The following RECQL variants were observed in gnomAD, a reference collection of about 807,000 sequenced individuals.
RECQL encodes ATP-dependent DNA helicase Q1.
A neutral mutation model predicts 75.8 loss-of-function variants in RECQL; 73 were observed. The ratio of observed to expected loss-of-function variants is 0.96; its 90% CI spans 0.80 to 1.17. RECQL has a LOEUF of 1.17. RECQL is among the 50% of genes most tolerant of loss of function. The pLI, the probability that RECQL is intolerant of heterozygous loss-of-function variation, is 0.00. For missense variants in RECQL, 699 were observed against 772.1 expected, an observed-to-expected ratio of 0.91 and a Z score of 1.12; for synonymous variants, 248 against 254.4, an observed-to-expected ratio of 0.97 and a Z score of 0.24.
At position 21,491,616 on chromosome 12, in the gene RECQL, T is replaced by A; in HGVS notation, c.117A>T (p.Lys39Asn). The A allele has an allele frequency of 6.2e-7, 1 of 1,614,114 alleles. No individual in the cohort carries two copies. Among genetic ancestry groups the A allele is most frequent in the Non-Finnish European group, 8.5e-7 (1 of 1,179,982 alleles). ...TERQQELIQK[K>N]KVLTKKIKQC... Reference sequence around the variant, plus strand: ...GCTTTATTTTCTTTGTCAGGACTTTTTTTTTCTGAATAAGCTCTTGTTGCC... The same window carrying A: ...GCTTTATTTTCTTTGTCAGGACTTTATTTTTCTGAATAAGCTCTTGTTGCC... Residue 39 changes from lysine to asparagine, a missense_variant, in exon 3 of 15, where the codon AAA becomes AAT. By Grantham distance (94) the Lys-to-Asn change is moderately conservative. Around this residue, in one of 2 missense-constraint regions of RECQL, gnomAD observed 669 missense variants for 713.5 expected, o/e 0.94. Transcript: ENST00000444129.
chr12:21,486,431 T>A (rs745347834), intron 5 of RECQL, 48 bp downstream of exon 5: 2 of 1,521,692 alleles, frequency 1.3e-6, no homozygotes. Context: ...AAAGCTCCTA[T>A]TTCAGTGAAT....
chr12:21,490,981 T>G (rs1487192185), intron 3 of RECQL, among the ~76,000 whole-genome samples: 1 of 152,216 alleles, frequency 6.6e-6, no homozygotes. Flanking sequence ...CACAGCATCA[T>G]AAAGTACTCA....
At chr12:21,491,494 C>CAAAAA in intron 3 of RECQL, 25 bp downstream of exon 3, 31 of 1,322,834 alleles carry the variant, frequency 2.3e-5, no homozygotes, top group Non-Finnish European at 2.8e-5. Flanking sequence ...ATAAAACTAG[C>CAAAAA]AAAAAAAAAA....
intron 6 of RECQL, among the ~76,000 whole-genome samples, chr12:21,482,780 G>A (rs1162277436): frequency 6.6e-6 from 1 of 152,224 alleles, no homozygotes; most frequent in Non-Finnish European, 1.5e-5. Context: ...GTTGAAGCCA[G>A]GGAGTCGGAT....
intron 4 of RECQL, among the ~76,000 whole-genome samples, chr12:21,487,432 C>T (rs1943326986): frequency 6.6e-6 from 1 of 152,016 alleles, no homozygotes; most frequent in South Asian, 2.1e-4. Flanking sequence ...AGTAATATGC[C>T]CCCTTCCTTA....
intron 6 of RECQL, 110 bp downstream of exon 6, chr12:21,483,266 G>A (rs1010326134): frequency 2.5e-6 from 2 of 791,338 alleles, no homozygotes; most frequent in Non-Finnish European, 4.1e-6. Flanking sequence ...GATATTCAAT[G>A]TGTAACTACT....
intron 4 of RECQL, among the ~76,000 whole-genome samples, chr12:21,486,808 C>A (rs1456295812): frequency 1.3e-5 from 2 of 151,626 alleles, no homozygotes; most frequent in African/African-American, 4.8e-5. Flanking sequence ...GTAGCTGGGA[C>A]TACAGGCACC....
intron 13 of RECQL, 61 bp from the exon 14 acceptor site, chr12:21,471,159 A>G (rs1431861833): frequency 1.3e-5 from 19 of 1,455,676 alleles, no homozygotes; most frequent in Admixed American, 2.6e-5. Context: ...AAACAAATTT[A>G]TAAAAGAAAT....
intron 2 of RECQL, among the ~76,000 whole-genome samples, chr12:21,494,156 G>A (rs1235074929): frequency 1.3e-5 from 2 of 152,086 alleles, no homozygotes; most frequent in Non-Finnish European, 2.9e-5. Context: ...GGCAGTGCCA[G>A]GCTCCTTGAA....
intron 3 of RECQL, among the ~76,000 whole-genome samples, chr12:21,491,044 G>A (rs527967683): frequency 6.6e-6 from 1 of 152,104 alleles, no homozygotes; most frequent in Non-Finnish European, 1.5e-5. Flanking sequence ...TAAATATCTT[G>A]TTCAGACGTG....
intron 12 of RECQL, among the ~76,000 whole-genome samples, chr12:21,472,327 C>A (rs1049554917): frequency 1.3e-5 from 2 of 152,010 alleles, no homozygotes; most frequent in Non-Finnish European, 2.9e-5. Context: ...CAGTTTCATG[C>A]AAGAAACAAT....
intron 1 of RECQL, among the ~76,000 whole-genome samples, chr12:21,500,143 A>G (rs149036742): frequency 6.6e-6 from 1 of 152,358 alleles, no homozygotes; most frequent in East Asian, 1.9e-4. Flanking sequence ...AATAAAATTA[A>G]TCATCTAACA....
At position 21,501,522 on chromosome 12, in the gene RECQL, C is replaced by T; in HGVS notation, c.-398G>A. The T allele has an allele frequency of 4.4e-6, 1 of 224,880 alleles. No individual in the cohort carries two copies. Among genetic ancestry groups the T allele is most frequent in the Non-Finnish European group, 9.1e-6 (1 of 110,334 alleles). 13.9% of individuals were successfully genotyped at this position (224,880 alleles called of 1,614,324 possible). On this transcript the variant is annotated 5_prime_UTR_variant, in exon 1 of 15. Coordinates refer to ENST00000444129, the MANE Select transcript of RECQL (RefSeq NM_002907.4). ...GTCCGGTGTCCGACTGTCCTGTGTC[C>T]GACTCTCCGATCTCCGACTCTCGGA...
intron 11 of RECQL, 93 bp downstream of exon 11, chr12:21,474,748 C>G: frequency 8.2e-7 from 1 of 1,219,202 alleles, no homozygotes; most frequent in Non-Finnish European, 1.2e-6. Flanking sequence ...CTTTGGTGTT[C>G]CACCAATGTA....
At chr12:21,485,896 A>G (rs1009665104) in intron 5 of RECQL, among the ~76,000 whole-genome samples, 2 of 152,154 alleles carry the variant, frequency 1.3e-5, no homozygotes, top group African/African-American at 4.8e-5. Flanking sequence ...GAAATGCTTT[A>G]TTCTACAGAT....
Position 21,469,168 on chromosome 12 carries a change from A to G in RECQL, c.*1026T>C, listed in dbSNP as rs562839584. ...TAAAATCGGTTGTATTTTACTTTAA[A>G]TAGAGATGTAGCAATATCTCGTTTG... is the stretch of plus-strand genomic sequence containing the variant. On this transcript the variant is annotated 3_prime_UTR_variant, in exon 15 of 15. Transcript: ENST00000444129. The G allele has an allele frequency of 1.7e-3, 280 of 167,110 alleles. No individual in the cohort carries two copies. The highest frequency in any genetic ancestry group is 6.4e-3 in the African/African-American group (265 of 41,578). 10.4% of individuals were successfully genotyped at this position (167,110 alleles called of 1,614,324 possible).
intron 2 of RECQL, among the ~76,000 whole-genome samples, chr12:21,493,249 T>C (rs938987597): frequency 6.6e-6 from 1 of 152,214 alleles, no homozygotes; most frequent in Non-Finnish European, 1.5e-5. Flanking sequence ...ATAACTATTC[T>C]ATGTCATCAT....
intron 2 of RECQL, among the ~76,000 whole-genome samples, chr12:21,498,391 G>A (rs369973154): frequency 3.9e-5 from 6 of 152,106 alleles, no homozygotes; most frequent in Non-Finnish European, 7.4e-5. Flanking sequence ...TTAGTGATCC[G>A]CTAGTGAAAT....
chr12:21,497,769 G>A (rs1943535263), intron 2 of RECQL, among the ~76,000 whole-genome samples: 1 of 152,212 alleles, frequency 6.6e-6, no homozygotes, highest in Non-Finnish European at 1.5e-5. Context: ...CAAGAACAAA[G>A]TGCCTTCTGC....
Sources: gnomAD v4.1 joint callset for allele counts (sites outside exome capture counted in the v4.1 genomes callset) on GRCh38, gnomAD v4.1.1 for gene constraint, gnomAD v4.1.1 regional missense constraint, MANE v1.5 for transcripts, NCBI Gene and HGNC (gene_info 2026-07-23, HGNC 2026-07-21) for gene names.